The following ALMS1 variants were observed in gnomAD, a reference collection of about 807,000 sequenced individuals.
ALMS1 encodes the protein centrosome-associated protein ALMS1.
ALMS1 carries 271 observed loss-of-function variants against 352.2 expected under a neutral mutation model. The ratio of observed to expected loss-of-function variants is 0.77; its 90% CI spans 0.70 to 0.85. ALMS1 has a LOEUF of 0.85. ALMS1 is among the 40% of genes least tolerant of loss of function. The probability of loss-of-function intolerance (pLI) is 0.00; values close to 1 mark genes in which losing one functional copy is unlikely to be tolerated. For missense variants in ALMS1, 5,445 were observed against 4,870.7 expected, an observed-to-expected ratio of 1.12 and a Z score of -3.51; for synonymous variants, 1,865 against 1,761.2, an observed-to-expected ratio of 1.06 and a Z score of -1.48.
rs528010251 is a variant in ALMS1, at chr2:73,551,011, A to AT, written c.10078+581dup. Among the ~76,000 whole-genome samples, 307 of 151,036 alleles carry AT rather than the reference A, an allele frequency of 2.0e-3. 1 individual carries two copies. The highest frequency in any genetic ancestry group is 2.9e-3 in the Non-Finnish European group (198 of 67,836). On this transcript the variant is annotated intron_variant, in intron 13 of 22. Coordinates refer to ENST00000613296, the MANE Select transcript of ALMS1 (RefSeq NM_001378454.1). ...CACACACCACTATGCCTGGCTAATA[A>AT]TTTTTTTATAGTGATGGGGGGTTTT...
intron 2 of ALMS1, among the ~76,000 whole-genome samples, chr2:73,415,344 G>GA (rs987300881): frequency 2.4e-4 from 36 of 152,292 alleles, no homozygotes; most frequent in African/African-American, 8.4e-4. Flanking sequence ...TTGCATAGGA[G>GA]AGGAATGATT....
At chr2:73,393,342 A>G (rs1447580929) in intron 1 of ALMS1, among the ~76,000 whole-genome samples, 1 of 151,882 alleles carries the variant, frequency 6.6e-6, no homozygotes, top group Non-Finnish European at 1.5e-5. Context: ...TGTATACGAT[A>G]TGAAGAAAGG....
rs147178861 is a variant in ALMS1 at position 73,508,856 on chromosome 2, A to T, written c.9540-10919A>T. On this transcript the variant is annotated intron_variant, in intron 10 of 22. Transcript: ENST00000613296. The stretch of plus-strand genomic sequence containing the variant: ...TCCCACTATTACCGTGTGGGAGTCT[A>T]AGTCTCTTTGTAGGTCGCTAAGAAC... Among the ~76,000 whole-genome samples the T allele has an allele frequency of 4.3e-3, 662 of 152,246 alleles. 2 individuals are homozygous for T. Among genetic ancestry groups the T allele is most frequent in the African/African-American group, 0.015 (633 of 41,538 alleles).
At chr2:73,588,256 G>C (rs1054537783) in intron 16 of ALMS1, among the ~76,000 whole-genome samples, 29 of 152,140 alleles carry the variant, frequency 1.9e-4, no homozygotes, top group African/African-American at 5.3e-4. Context: ...TCTGCCCCGT[G>C]CTGTCTCCCC....
At chr2:73,526,478 T>C (rs2103975290) in intron 11 of ALMS1, among the ~76,000 whole-genome samples, 1 of 152,310 alleles carries the variant, frequency 6.6e-6, no homozygotes, top group East Asian at 1.9e-4. Context: ...CATCAGTGTT[T>C]TATAGTTTCC....
chr2:73,453,224 A>G lies in ALMS1; in HGVS notation c.6697A>G (p.Ile2233Val), dbSNP rs755011344. ...TTCTCAGGCTGATGACAGAGTTGTAATAAATAAACCAGAATCTGCAGGTTT... is the reference window on the plus strand; with the variant it reads ...TTCTCAGGCTGATGACAGAGTTGTAGTAAATAAACCAGAATCTGCAGGTTT... ...LNSQADDRVVINKPESAGFRD... is the reference protein window; with the variant it reads ...LNSQADDRVVVNKPESAGFRD... Residue 2233 changes from isoleucine (I) to valine (V), a missense_variant, in exon 8 of 23, where the codon ATA becomes GTA. Coordinates refer to ENST00000613296, the MANE Select transcript of ALMS1 (RefSeq NM_001378454.1). 1 of 1,614,078 alleles carries G rather than the reference A, an allele frequency of 6.2e-7. No homozygotes were observed. The highest frequency in any genetic ancestry group is 1.7e-5 in the Admixed American group (1 of 60,000).
At chr2:73,479,477 T>C (rs368491120) in intron 9 of ALMS1, among the ~76,000 whole-genome samples, 23 of 152,372 alleles carry the variant, frequency 1.5e-4, no homozygotes, top group African/African-American at 4.8e-4. Flanking sequence ...ACATATAGTA[T>C]GCAACCTTAT....
At chr2:73,557,504 G>C in intron 14 of ALMS1, 150 bp downstream of exon 14, 1 of 1,049,210 alleles carries the variant, frequency 9.5e-7, no homozygotes, top group South Asian at 1.5e-5. Context: ...AATAGTTAAG[G>C]TATGTTTAGC....
At chr2:73,519,636 T>C (rs1401512199) in intron 10 of ALMS1, 139 bp from the exon 11 acceptor site, 1 of 1,084,308 alleles carries the variant, frequency 9.2e-7, no homozygotes, top group Non-Finnish European at 1.3e-6. Flanking sequence ...AATTTTACCT[T>C]AATAACGTTT....
At position 73,490,631 on chromosome 2, in the gene ALMS1, G is replaced by A. The variant is rs756101133; in HGVS notation, c.8672G>A (p.Ser2891Asn). ...FLEQRELFEQ[S>N]KAPRADDHVR... ...GAACAACGAGAGCTCTTTGAACAAA[G>A]CAAAGCCCCACGTGCAGATGACCAT... Residue 2891 changes from serine to asparagine, a missense_variant, in exon 10 of 23, where the codon AGC (serine) becomes AAC (asparagine). Ser to Asn is a conservative substitution (Grantham distance 46). Coordinates refer to ENST00000613296, the MANE Select transcript of ALMS1 (RefSeq NM_001378454.1). The A allele has an allele frequency of 1.6e-5, 26 of 1,614,150 alleles. No individual in the cohort carries two copies. The highest frequency in any genetic ancestry group is 2.1e-5 in the Non-Finnish European group (25 of 1,180,014).
chr2:73,508,822 T>A (rs985655072), intron 10 of ALMS1, among the ~76,000 whole-genome samples: 3 of 152,180 alleles, frequency 2.0e-5, no homozygotes, highest in Non-Finnish European at 4.4e-5. Context: ...ACAATGGGGC[T>A]TTAAAGTCTC....
chr2:73,478,203 A>T (rs1672621282), intron 9 of ALMS1, among the ~76,000 whole-genome samples: 1 of 152,216 alleles, frequency 6.6e-6, no homozygotes, highest in African/African-American at 2.4e-5. Context: ...ACTGAACAGT[A>T]GCTTTTAAGA....
intron 7 of ALMS1, among the ~76,000 whole-genome samples, chr2:73,435,140 A>T (rs1671581486): frequency 6.6e-6 from 1 of 152,208 alleles, no homozygotes; most frequent in Non-Finnish European, 1.5e-5. Flanking sequence ...ATCAAAAATG[A>T]TGTATCTGCT....
At chr2:73,563,651 C>T (rs949604941) in intron 15 of ALMS1, among the ~76,000 whole-genome samples, 60 of 142,120 alleles carry the variant, frequency 4.2e-4, no homozygotes, top group African/African-American at 1.2e-3. Context: ...TGAACCTGGG[C>T]GGCAGAGCTT....
chr2:73,447,534 A>G (rs1313145059), intron 7 of ALMS1, among the ~76,000 whole-genome samples: 1 of 152,138 alleles, frequency 6.6e-6, no homozygotes, highest in East Asian at 1.9e-4. Flanking sequence ...AAATAAGCTG[A>G]TGAGCCTTTG....
chr2:73,459,929 C>T (rs765997863), intron 9 of ALMS1, among the ~76,000 whole-genome samples: 16 of 152,172 alleles, frequency 1.1e-4, no homozygotes, highest in Admixed American at 2.0e-4. Flanking sequence ...CATAATTACA[C>T]GCACCCCCCT....
rs552763998 is a variant in ALMS1, at chr2:73,421,381, T to C, written c.647-1476T>C. Among the ~76,000 whole-genome samples, 60 of 152,268 alleles carry C rather than the reference T, an allele frequency of 3.9e-4. 3 individuals are homozygous for C. In the South Asian group the frequency reaches 0.012, roughly 29 times the overall value. On this transcript the variant is annotated intron_variant, in intron 3 of 22. Transcript: ENST00000613296. ...TTTACTTGCCCAAAGGTCCCCCTTG[T>C]AGCATCAGCTCTAGTGTATTTGGGG...
At position 73,428,835 on chromosome 2, in the gene ALMS1, G is replaced by A. The variant is rs146529849; in HGVS notation, c.1338+2282G>A. Among the ~76,000 whole-genome samples, 32 of 152,010 alleles carry A rather than the reference G, an allele frequency of 2.1e-4. 1 individual carries two copies. In the East Asian group the frequency reaches 6.2e-3, roughly 29 times the overall value. ...TGCATGGCTTAGCTTGCTTTCAGGG[G>A]CTTGCTTACTCCTTGGTTTTTCCTT... is the stretch of plus-strand genomic sequence containing the variant. On this transcript the variant is annotated intron_variant, in intron 6 of 22. Coordinates refer to ENST00000613296, the MANE Select transcript of ALMS1 (RefSeq NM_001378454.1).
chr2:73,414,346 G>A (rs1358377221), intron 2 of ALMS1, among the ~76,000 whole-genome samples: 1 of 148,984 alleles, frequency 6.7e-6, no homozygotes, highest in East Asian at 2.0e-4. Context: ...CTATTACCTT[G>A]CTAATCTCAC....
Sources: gnomAD v4.1 joint callset for allele counts (sites outside exome capture counted in the v4.1 genomes callset) on GRCh38, gnomAD v4.1.1 for gene constraint, MANE v1.5 for transcripts, NCBI Gene and HGNC (gene_info 2026-07-23, HGNC 2026-07-21) for gene names.